Variants in LYPD1 observed in about 807,000 individuals in gnomAD.
LYPD1 encodes the protein LY6/PLAUR domain containing 1.
A neutral mutation model predicts 14.2 loss-of-function variants in LYPD1; 14 were observed. The observed-to-expected ratio is 0.99, with a 90% CI of 0.65 to 1.54. LYPD1 has a LOEUF of 1.54. Among genes scored for constraint, LYPD1 ranks in the 40% most tolerant of loss-of-function variants. The pLI, the probability that LYPD1 is intolerant of heterozygous loss-of-function variation, is 0.00. For synonymous variants in LYPD1, 85 were observed against 70.6 expected (o/e 1.20, Z -1.02); for missense variants, 165 against 175.7 (o/e 0.94, Z 0.34).
intron 2 of LYPD1, among the ~76,000 whole-genome samples, chr2:132,656,552 T>G (rs1682607892): frequency 6.6e-6 from 1 of 152,188 alleles, no homozygotes; most frequent in Non-Finnish European, 1.5e-5. Context: ...GAACACTGTG[T>G]GAGGAATTTT....
intron 2 of LYPD1, among the ~76,000 whole-genome samples, chr2:132,655,241 A>T (rs1682518444): frequency 6.6e-6 from 1 of 152,180 alleles, no homozygotes; most frequent in Non-Finnish European, 1.5e-5. Flanking sequence ...TGGGTCAACC[A>T]GCCGGTTTGG....
intron 2 of LYPD1, among the ~76,000 whole-genome samples, chr2:132,659,899 A>G (rs185642314): frequency 6.6e-6 from 1 of 152,246 alleles, no homozygotes. Context: ...CATTTTGCAT[A>G]AGTAATAGAA....
chr2:132,670,531 C>G (rs1218527282), upstream of LYPD1, among the ~76,000 whole-genome samples: 4 of 152,104 alleles, frequency 2.6e-5, no homozygotes, highest in Non-Finnish European at 4.4e-5. The surrounding 1 kb of genome is among the most constrained non-coding windows in gnomAD (Gnocchi z 4.5). Flanking sequence ...GCTGGCCCTT[C>G]GCACATAGGA....
In LYPD1 at chr2:132,646,159, A is replaced by G; in HGVS notation, c.312T>C (p.Pro104=). ...TCTTGGGCCTTGGCCCGTTACAAAGAGGGGTGTTGCAGCAGCTGATGCAAA... is the reference window on the plus strand; with the variant it reads ...TCTTGGGCCTTGGCCCGTTACAAAGGGGGGTGTTGCAGCAGCTGATGCAAA... ...NSVCISCCNT[P]LCNGPRPKKR... Residue 104 remains proline (P), a synonymous_variant, in exon 3 of 3, where the codon CCT becomes CCC. Coordinates refer to ENST00000397463, the MANE Select transcript of LYPD1 (RefSeq NM_144586.7). The G allele has an allele frequency of 6.2e-7, 1 of 1,612,086 alleles. No homozygotes were observed. Among genetic ancestry groups the G allele is most frequent in the Non-Finnish European group, 8.5e-7 (1 of 1,178,846 alleles).
At chr2:132,670,400 G>C (rs369162146), upstream of LYPD1, among the ~76,000 whole-genome samples, 18 of 152,248 alleles carry the variant, frequency 1.2e-4, no homozygotes, top group East Asian at 1.9e-3. The surrounding 1 kb of genome is among the most constrained non-coding windows in gnomAD (Gnocchi z 4.5). Context: ...AGGGGCGCCG[G>C]GGGGCGGGAG....
intron 2 of LYPD1, 112 bp from the exon 3 acceptor site, chr2:132,646,392 A>G: frequency 1.7e-6 from 1 of 597,334 alleles, no homozygotes; most frequent in Non-Finnish European, 2.7e-6. Context: ...CACAGCCCAG[A>G]GACTAGGTGA....
chr2:132,665,561 A>AC lies in LYPD1; in HGVS notation c.190+2838dup, dbSNP rs1198990219. Among the ~76,000 whole-genome samples, 7 of 152,196 alleles carry AC rather than the reference A, an allele frequency of 4.6e-5. No homozygotes were observed. In the East Asian group the frequency reaches 1.3e-3, roughly 29 times the overall value. On this transcript the variant is annotated intron_variant, in intron 2 of 2. Coordinates refer to ENST00000397463, the MANE Select transcript of LYPD1 (RefSeq NM_144586.7). ...TCAGGCAGACCTGGCAGGATATTTT[A>AC]CGACATGCTGGCTGTGTGGTATTAC...
At position 132,646,070 on chromosome 2, in the gene LYPD1, A is replaced by G; in HGVS notation, c.401T>C (p.Leu134Ser). ...GLRTTILFLK[L>S]ALFSAHC ...TCAGCAGTGTGCCGAGAAGAGGGCTAATTTGAGGAACAGGATGGTGGTGCG... is the reference window on the plus strand; with the variant it reads ...TCAGCAGTGTGCCGAGAAGAGGGCTGATTTGAGGAACAGGATGGTGGTGCG... The change falls in exon 3 of 3, where the codon TTA (leucine) becomes TCA (serine). Residue 134 changes from leucine to serine, a missense_variant. Leu to Ser is a moderately radical substitution (Grantham distance 145). Coordinates refer to ENST00000397463, the MANE Select transcript of LYPD1 (RefSeq NM_144586.7). 6.3e-7 allele frequency: 1 copy of G among 1,589,092 alleles called. No individual in the cohort carries two copies. Among genetic ancestry groups the G allele is most frequent in the Non-Finnish European group, 8.6e-7 (1 of 1,166,268 alleles).
At chr2:132,647,991 G>T (rs1365913743) in intron 2 of LYPD1, among the ~76,000 whole-genome samples, 3 of 152,168 alleles carry the variant, frequency 2.0e-5, no homozygotes, top group Non-Finnish European at 4.4e-5. Context: ...TGTAGGGATT[G>T]ATTTTCTAAG....
At position 132,643,536 on chromosome 2, in the gene LYPD1, G is replaced by GTTT. The variant is rs1681906979; in HGVS notation, c.*2508_*2509insAAA. Among the ~76,000 whole-genome samples, 1 of 152,152 alleles carries GTTT rather than the reference G, an allele frequency of 6.6e-6. No individual in the cohort carries two copies. Among genetic ancestry groups the GTTT allele is most frequent in the Non-Finnish European group, 1.5e-5 (1 of 68,032 alleles). ...GAGCATTTATTTATTGGTTTATTGA[G>GTTT]ACAGTTTCACTCTGTCAGCCAGGCT... is the stretch of plus-strand genomic sequence containing the variant. On this transcript the variant is annotated 3_prime_UTR_variant, in exon 3 of 3. Transcript: ENST00000397463.
In LYPD1 at chr2:132,669,453, C is replaced by T. The variant is rs987874911; in HGVS notation, c.52+428G>A. Among the ~76,000 whole-genome samples, 1 of 152,278 alleles carries T rather than the reference C, an allele frequency of 6.6e-6. No individual in the cohort carries two copies. Among genetic ancestry groups the T allele is most frequent in the Middle Eastern group, 3.4e-3 (1 of 294 alleles). The stretch of plus-strand genomic sequence containing the variant: ...ATCTATCGCACTCTGAGCGCAGCAA[C>T]CCAGCTTCAGCGTGGCCGCAGGCTG... On this transcript the variant is annotated intron_variant, in intron 1 of 2. Transcript: ENST00000397463. This position sits in a 1 kb window ranked among gnomAD's most constrained non-coding sequence, Gnocchi z 4.3.
chr2:132,663,985 A>G (rs763659051), intron 2 of LYPD1, among the ~76,000 whole-genome samples: 2 of 152,208 alleles, frequency 1.3e-5, no homozygotes, highest in Non-Finnish European at 2.9e-5. Context: ...ATATGTGGGT[A>G]TATGCAAATA....
intron 2 of LYPD1, 33 bp from the exon 3 acceptor site, chr2:132,646,313 G>C (rs369194822): frequency 8.0e-6 from 11 of 1,377,854 alleles, no homozygotes; most frequent in Non-Finnish European, 1.1e-5. Context: ...CTGAGTTAAC[G>C]TGCACCGGCA....
chr2:132,653,056 T>C (rs1411456711), intron 2 of LYPD1, among the ~76,000 whole-genome samples: 1 of 152,230 alleles, frequency 6.6e-6, no homozygotes, highest in East Asian at 1.9e-4. Context: ...CCAGAAGCCA[T>C]GATCCTCTCC....
At position 132,669,116 on chromosome 2, in the gene LYPD1, G is replaced by A. The variant is rs1683472414; in HGVS notation, c.53-579C>T. Among the ~76,000 whole-genome samples, 1 of 152,156 alleles carries A rather than the reference G, an allele frequency of 6.6e-6. No individual in the cohort carries two copies. The highest frequency in any genetic ancestry group is 1.5e-5 in the Non-Finnish European group (1 of 68,020). The stretch of plus-strand genomic sequence containing the variant: ...GCTGCGCCGCAAGTCCCCGAGCCCG[G>A]GTCGGCGGCCCTTCTCCGGGGCCGT... On this transcript the variant is annotated intron_variant, in intron 1 of 2. Coordinates refer to ENST00000397463, the MANE Select transcript of LYPD1 (RefSeq NM_144586.7). This position sits in a 1 kb window ranked among gnomAD's most constrained non-coding sequence, Gnocchi z 4.3.
At chr2:132,668,316 C>CT in intron 2 of LYPD1, 84 bp downstream of exon 2, 1 of 1,478,380 alleles carries the variant, frequency 6.8e-7, no homozygotes, top group Non-Finnish European at 9.0e-7. Context: ...AAAGTCAGTC[C>CT]TTTTTCCTGC....
At chr2:132,648,736 T>C (rs542919895) in intron 2 of LYPD1, among the ~76,000 whole-genome samples, 4 of 152,138 alleles carry the variant, frequency 2.6e-5, no homozygotes, top group South Asian at 2.1e-4. Flanking sequence ...AGCTCTCAAG[T>C]TGGTGGTTCA....
chr2:132,647,516 A>AGAGAT (rs1473004285), intron 2 of LYPD1, among the ~76,000 whole-genome samples: 4 of 152,204 alleles, frequency 2.6e-5, no homozygotes, highest in African/African-American at 7.2e-5. Flanking sequence ...TAGTTTTAGT[A>AGAGAT]GAGATGGGGT....
chr2:132,654,909 C>T (rs527943547), intron 2 of LYPD1, among the ~76,000 whole-genome samples: 19 of 151,924 alleles, frequency 1.3e-4, no homozygotes, highest in African/African-American at 4.1e-4. Context: ...CCACCATGCC[C>T]GGTTAATTTT....
Sources: allele counts gnomAD v4.1 joint callset (sites outside exome capture counted in the v4.1 genomes callset), GRCh38; gene constraint gnomAD v4.1.1; non-coding constraint Gnocchi (gnomAD v3.1); transcripts MANE v1.5; gene names NCBI Gene and HGNC (gene_info 2026-07-23, HGNC 2026-07-21).